TLR3: variants seen among roughly 807,000 people sequenced by gnomAD.
TLR3 encodes toll-like receptor 3.
In TLR3, 43 loss-of-function variants were observed where a neutral mutation model predicts 66.4. The observed-to-expected ratio is 0.65, with a 90% CI of 0.51 to 0.83. The LOEUF (loss-of-function observed/expected upper bound fraction) is 0.83, where lower values mean the gene tolerates loss of function less well. Ranked by LOEUF, TLR3 falls within the 40% of genes least tolerant of loss-of-function variation. The pLI is 0.00. For missense variants in TLR3, 982 were observed against 1,044.6 expected, an observed-to-expected ratio of 0.94 and a Z score of 0.83; for synonymous variants, 397 against 397.2, an observed-to-expected ratio of 1.00 and a Z score of 0.01.
At chr4:186,071,858 T>G (rs149990022) in intron 1 of TLR3, among the ~76,000 whole-genome samples, 1 of 152,372 alleles carries the variant, frequency 6.6e-6, no homozygotes, top group East Asian at 1.9e-4. Context: ...GTCATGACTT[T>G]TAGATCTTGT....
intron 1 of TLR3, 89 bp from the exon 2 acceptor site, chr4:186,076,524 G>A: frequency 8.3e-7 from 1 of 1,207,086 alleles, no homozygotes; most frequent in South Asian, 1.2e-5. Context: ...TCATATTTTG[G>A]TGATATATTT....
At chr4:186,073,212 A>G (rs554096426) in intron 1 of TLR3, among the ~76,000 whole-genome samples, 2 of 152,174 alleles carry the variant, frequency 1.3e-5, no homozygotes, top group Admixed American at 6.5e-5. Context: ...GGGGGAAAGA[A>G]GTCTCTTTAA....
intron 1 of TLR3, 65 bp from the exon 2 acceptor site, chr4:186,076,548 C>A: frequency 1.4e-6 from 2 of 1,429,100 alleles, no homozygotes; most frequent in South Asian, 1.1e-5. Flanking sequence ...AAGGAATATA[C>A]CAATGCATTT....
intron 3 of TLR3, among the ~76,000 whole-genome samples, chr4:186,080,574 A>ATATTTTATTTTATTT (rs36215783): frequency 6.7e-6 from 1 of 149,966 alleles, no homozygotes; most frequent in African/African-American, 2.4e-5. Flanking sequence ...TTTTTAATCA[A>ATATTTTATTTTATTT]TATTTTATTT....
Position 186,084,516 on chromosome 4 carries a change from A to C in TLR3, c.2487-129A>C, listed in dbSNP as rs190739863. ...ATTACTCACAACTCAAAGAATTTTT[A>C]AAATAAAATTAAGAAAAAAAAAACC... On this transcript the variant is annotated intron_variant, in intron 4 of 4. Coordinates refer to ENST00000296795, the MANE Select transcript of TLR3 (RefSeq NM_003265.3). 5 of 691,280 alleles carry C rather than the reference A, an allele frequency of 7.2e-6. No individual in the cohort carries two copies. In the East Asian group the frequency reaches 1.1e-4, roughly 15 times the overall value. 42.8% of individuals were successfully genotyped at this position (691,280 alleles called of 1,614,324 possible).
chr4:186,072,590 G>A (rs530587586), intron 1 of TLR3, among the ~76,000 whole-genome samples: 60 of 152,300 alleles, frequency 3.9e-4, no homozygotes, highest in African/African-American at 1.2e-3. Context: ...GGTTACAGGC[G>A]TGAGCCACTG....
rs2099304527 is a variant in TLR3, at chr4:186,087,331, C to T, written c.*2458C>T. 6.6e-6 allele frequency: 1 copy of T among 152,218 alleles called. No individual in the cohort carries two copies. The highest frequency in any genetic ancestry group is 1.5e-5 in the Non-Finnish European group (1 of 68,030). 9.4% of individuals were successfully genotyped at this position (152,218 alleles called of 1,614,324 possible). On this transcript the variant is annotated 3_prime_UTR_variant, in exon 5 of 5. Coordinates refer to ENST00000296795, the MANE Select transcript of TLR3 (RefSeq NM_003265.3). Reference sequence around the variant, plus strand: ...AAAAGGTGTAAACTCTGACTCCTATCTGACCTAGGTAGGAAGTAACATCCA... The same window carrying T: ...AAAAGGTGTAAACTCTGACTCCTATTTGACCTAGGTAGGAAGTAACATCCA...
rs759740878 is a variant in TLR3 at position 186,084,010 on chromosome 4, C to T, written c.2324C>T (p.Ser775Phe). 5.0e-6 allele frequency: 8 copies of T among 1,613,964 alleles called. No homozygotes were observed. The highest frequency in any genetic ancestry group is 1.1e-5 in the South Asian group (1 of 91,072). ...KDKDWVWEHF[S>F]SMEKEDQSLK... ...AAGGATTGGGTCTGGGAACATTTCT[C>T]TTCAATGGAAAAGGAAGACCAATCT... The change falls in exon 4 of 5, where the codon TCT becomes TTT. Residue 775 changes from serine (S) to phenylalanine (F), a missense_variant. Physicochemically the swap from Ser to Phe is radical, Grantham distance 155. Coordinates refer to ENST00000296795, the MANE Select transcript of TLR3 (RefSeq NM_003265.3).
At position 186,083,484 on chromosome 4, in the gene TLR3, AC is replaced by A; in HGVS notation, c.1799del (p.Thr600AsnfsTer13). 1 of 1,607,428 alleles carries A rather than the reference AC, an allele frequency of 6.2e-7. No individual in the cohort carries two copies. The highest frequency in any genetic ancestry group is 8.5e-7 in the Non-Finnish European group (1 of 1,176,022). ...CGATTTAGGATTGAATAATTTAAAC[AC>A]ACTTCCAGCATCTGTCTTTAATAAT... ...IIDLGLNNLN[T>X]LPASVFNNQV... On this transcript the variant is annotated frameshift_variant, in exon 4 of 5. Transcript: ENST00000296795. LOFTEE classifies it high-confidence loss of function. The surrounding 1 kb of genome is among the most constrained non-coding windows in gnomAD (Gnocchi z 4.0).
chr4:186,076,364 G>A (rs2099302453), intron 1 of TLR3, among the ~76,000 whole-genome samples: 1 of 152,150 alleles, frequency 6.6e-6, no homozygotes, highest in African/African-American at 2.4e-5. Flanking sequence ...CATTGCAGCT[G>A]CAACTGGCAT....
At chr4:186,074,485 T>C (rs2099302094) in intron 1 of TLR3, among the ~76,000 whole-genome samples, 1 of 152,218 alleles carries the variant, frequency 6.6e-6, no homozygotes, top group African/African-American at 2.4e-5. Context: ...GAGCTTGCAG[T>C]ACTGGGAGTG....
In TLR3 at chr4:186,082,404, A is replaced by AAGCTATGTTT. The variant is rs776385037; in HGVS notation, c.719_728dup (p.Glu244AlafsTer17). On this transcript the variant is annotated frameshift_variant, in exon 4 of 5. Coordinates refer to ENST00000296795, the MANE Select transcript of TLR3 (RefSeq NM_003265.3). LOFTEE classifies it high-confidence loss of function. ...CCAGCTGGGTCCCAGCCTTACAGAG[A>AAGCTATGTTT]AGCTATGTTTGGAATTAGCAAACAC... The AAGCTATGTTT allele has an allele frequency of 6.2e-7, 1 of 1,614,044 alleles. No individual in the cohort carries two copies. The highest frequency in any genetic ancestry group is 8.5e-7 in the Non-Finnish European group (1 of 1,180,022).
chr4:186,079,166 G>A, intron 3 of TLR3, 135 bp downstream of exon 3: 1 of 862,662 alleles, frequency 1.2e-6, no homozygotes, highest in Non-Finnish European at 1.8e-6. Context: ...ACTGCTTGGG[G>A]GCATTGGTGT....
At chr4:186,073,412 C>T (rs1268972020) in intron 1 of TLR3, among the ~76,000 whole-genome samples, 6 of 151,844 alleles carry the variant, frequency 4.0e-5, no homozygotes, top group Admixed American at 1.3e-4. Context: ...CCCAGCTACT[C>T]GGGAGCCTGA....
In TLR3 at chr4:186,083,916, T is replaced by C; in HGVS notation, c.2230T>C (p.Phe744Leu). The C allele has an allele frequency of 6.2e-7, 1 of 1,614,216 alleles. No individual in the cohort carries two copies. Among genetic ancestry groups the C allele is most frequent in the South Asian group, 1.1e-5 (1 of 91,084 alleles). The change falls in exon 4 of 5, where the codon TTC becomes CTC. Residue 744 changes from phenylalanine to leucine, a missense_variant. Around this residue, in one of 3 missense-constraint regions of TLR3, gnomAD observed 666 missense variants for 709.0 expected, o/e 0.94. Transcript: ENST00000296795. This position sits in a 1 kb window ranked among gnomAD's most constrained non-coding sequence, Gnocchi z 4.0. ...WNVSVHRVLG[F>L]KEIDRQTEQF... ...TGTTTCAGTACATCGAGTTCTTGGT[T>C]TCAAAGAAATAGACAGACAGACAGA...
chr4:186,084,034 C>T lies in TLR3; in HGVS notation c.2348C>T (p.Ser783Phe), dbSNP rs775443943. ...TCTTCAATGGAAAAGGAAGACCAAT[C>T]TCTCAAATTTTGTCTGGAAGAAAGG... ...HFSSMEKEDQSLKFCLEERDF... is the reference protein window; with the variant it reads ...HFSSMEKEDQFLKFCLEERDF... Residue 783 changes from serine to phenylalanine, a missense_variant, in exon 4 of 5, where the codon TCT (serine) becomes TTT (phenylalanine). Coordinates refer to ENST00000296795, the MANE Select transcript of TLR3 (RefSeq NM_003265.3). 6.2e-7 allele frequency: 1 copy of T among 1,614,128 alleles called. No homozygotes were observed. The highest frequency in any genetic ancestry group is 8.5e-7 in the Non-Finnish European group (1 of 1,180,030).
Position 186,078,823 on chromosome 4 carries a change from T to C in TLR3, c.442-17T>C, listed in dbSNP as rs2099302906. 6.2e-7 allele frequency: 1 copy of C among 1,609,812 alleles called. No individual in the cohort carries two copies. Among genetic ancestry groups the C allele is most frequent in the Non-Finnish European group, 8.5e-7 (1 of 1,176,662 alleles). Reference sequence around the variant, plus strand: ...ACAGCAAGACTCTAACATATGCATATTATTTTTTCCCTTCAGAATTTAATC... The same window carrying C: ...ACAGCAAGACTCTAACATATGCATACTATTTTTTCCCTTCAGAATTTAATC... On this transcript the variant is annotated splice_polypyrimidine_tract_variant and intron_variant, in intron 2 of 4. Coordinates refer to ENST00000296795, the MANE Select transcript of TLR3 (RefSeq NM_003265.3).
In TLR3 at chr4:186,083,339, T is replaced by C; in HGVS notation, c.1653T>C (p.Pro551=). The change falls in exon 4 of 5, where the codon CCT becomes CCC. Residue 551 remains proline (P), a synonymous_variant. Coordinates refer to ENST00000296795, the MANE Select transcript of TLR3 (RefSeq NM_003265.3). This position sits in a 1 kb window ranked among gnomAD's most constrained non-coding sequence, Gnocchi z 4.0. The part of the protein sequence containing the change: ...NLARLWKHAN[P]GGPIYFLKGL... ...CACGGCTCTGGAAACACGCAAACCC[T>C]GGTGGTCCCATTTATTTCCTAAAGG... is the stretch of plus-strand genomic sequence containing the variant. The C allele has an allele frequency of 6.2e-7, 1 of 1,614,208 alleles. No homozygotes were observed. Among genetic ancestry groups the C allele is most frequent in the Non-Finnish European group, 8.5e-7 (1 of 1,180,022 alleles).
chr4:186,073,601 ATTAAC>A (rs527516886), intron 1 of TLR3, among the ~76,000 whole-genome samples: 271 of 152,320 alleles, frequency 1.8e-3, no homozygotes, highest in African/African-American at 6.4e-3. Flanking sequence ...ATACACAACA[ATTAAC>A]TTAGGAGAGG....
Sources: allele counts gnomAD v4.1 joint callset (sites outside exome capture counted in the v4.1 genomes callset), GRCh38; gene constraint gnomAD v4.1.1; regional missense constraint gnomAD v4.1.1; non-coding constraint Gnocchi (gnomAD v3.1); transcripts MANE v1.5; gene names NCBI Gene and HGNC (gene_info 2026-07-23, HGNC 2026-07-21).